SH3GL2: variants seen among roughly 807,000 people sequenced by gnomAD.
SH3GL2 encodes the protein SH3 domain containing GRB2 like 2, endophilin A1, also known as endophilin-A1.
In SH3GL2, 24 loss-of-function variants were observed where a neutral mutation model predicts 46.0. The observed-to-expected ratio is 0.52, with a 90% confidence interval of 0.38 to 0.73. The LOEUF (loss-of-function observed/expected upper bound fraction) is 0.73. SH3GL2 is among the 30% of genes least tolerant of loss of function. The pLI, the probability that SH3GL2 is intolerant of heterozygous loss-of-function variation, is 0.00. For synonymous variants in SH3GL2, 196 were observed against 147.1 expected (o/e 1.33, Z -2.40); for missense variants, 413 against 424.2 (o/e 0.97, Z 0.23).
Position 17,596,139 on chromosome 9 carries a change from A to G in SH3GL2, c.45+16852A>G, listed in dbSNP as rs369995063. Among the ~76,000 whole-genome samples, 108 of 152,280 alleles carry G rather than the reference A, an allele frequency of 7.1e-4. 1 individual carries two copies. The highest frequency in any genetic ancestry group is 2.5e-3 in the African/African-American group (104 of 41,554). ...CTAGCCAAGTTCTAGAACTATAAAT[A>G]TATGTCAGTTTGCTTCATTAGGCAT... On this transcript the variant is annotated intron_variant, in intron 1 of 8. Coordinates refer to ENST00000380607, the MANE Select transcript of SH3GL2 (RefSeq NM_003026.5).
intron 1 of SH3GL2, among the ~76,000 whole-genome samples, chr9:17,677,873 T>C (rs1306632466): frequency 1.3e-5 from 2 of 150,926 alleles, no homozygotes; most frequent in Non-Finnish European, 2.9e-5. Context: ...AGTGAGAAAA[T>C]GCGGTGTTTG....
intron 1 of SH3GL2, among the ~76,000 whole-genome samples, chr9:17,598,310 C>T (rs952142735): frequency 1.3e-5 from 2 of 152,208 alleles, no homozygotes; most frequent in African/African-American, 4.8e-5. Context: ...AGAACTACTT[C>T]TCATGTCTTA....
At position 17,752,236 on chromosome 9, in the gene SH3GL2, C is replaced by G. The variant is rs184997253; in HGVS notation, c.114+5102C>G. Among the ~76,000 whole-genome samples the G allele has an allele frequency of 5.3e-5, 8 of 152,274 alleles. No homozygotes were observed. The East Asian group carries it at 1.5e-3, about 29-fold the overall frequency. On this transcript the variant is annotated intron_variant, in intron 2 of 8. Transcript: ENST00000380607. ...GACCTGCCTGTATCTCGCTGCCAGA[C>G]AGACCTTCCCAGGACACGGTTTTCA...
intron 1 of SH3GL2, chr9:17,735,873 T>A (rs1387038071): frequency 3.5e-6 from 1 of 286,306 alleles, no homozygotes; most frequent in African/African-American, 2.3e-5. Context: ...TGCAGCAGCC[T>A]TTCCTGTTAC....
chr9:17,597,127 T>C (rs567603472), intron 1 of SH3GL2, among the ~76,000 whole-genome samples: 70 of 152,372 alleles, frequency 4.6e-4, no homozygotes, highest in Middle Eastern at 3.4e-3. Context: ...AGATTTGTTT[T>C]CTTGTGTAGT....
intron 2 of SH3GL2, among the ~76,000 whole-genome samples, chr9:17,753,540 A>G (rs1822906800): frequency 6.6e-6 from 1 of 152,082 alleles, no homozygotes; most frequent in South Asian, 2.1e-4. Flanking sequence ...TTTCTTGTAA[A>G]TTTCTTTAAG....
At chr9:17,631,128 GA>G (rs1819412015) in intron 1 of SH3GL2, among the ~76,000 whole-genome samples, 9 of 152,232 alleles carry the variant, frequency 5.9e-5, no homozygotes, top group Middle Eastern at 3.4e-3. Context: ...TGCTATAGAG[GA>G]AAAAACCCGC....
intron 2 of SH3GL2, among the ~76,000 whole-genome samples, chr9:17,760,465 T>C (rs1369506211): frequency 1.3e-5 from 2 of 152,028 alleles, no homozygotes; most frequent in Admixed American, 6.6e-5. Context: ...TATACTGATA[T>C]TATACTGGTA....
intron 3 of SH3GL2, among the ~76,000 whole-genome samples, chr9:17,779,666 AT>A (rs1384455046): frequency 6.6e-6 from 1 of 152,126 alleles, no homozygotes; most frequent in Non-Finnish European, 1.5e-5. Flanking sequence ...CTGTTCTTGA[AT>A]TTTGTTTCAT....
intron 3 of SH3GL2, among the ~76,000 whole-genome samples, chr9:17,768,350 G>A (rs1247264306): frequency 3.1e-5 from 4 of 127,396 alleles, no homozygotes; most frequent in Admixed American, 8.9e-5. Context: ...CAGCCTGGGC[G>A]ACAGAGCGGG....
chr9:17,743,761 T>C (rs1348484993), intron 1 of SH3GL2, among the ~76,000 whole-genome samples: 1 of 152,158 alleles, frequency 6.6e-6, no homozygotes, highest in African/African-American at 2.4e-5. Context: ...AGAGGGGAAA[T>C]TAAAATCACT....
At chr9:17,653,789 G>C (rs1030966682) in intron 1 of SH3GL2, 1 of 597,528 alleles carries the variant, frequency 1.7e-6, no homozygotes, top group Non-Finnish European at 2.1e-6. Flanking sequence ...TCAATTTGAG[G>C]GTGGCTGAAT....
chr9:17,749,605 C>G (rs1371340552), intron 2 of SH3GL2, among the ~76,000 whole-genome samples: 1 of 152,184 alleles, frequency 6.6e-6, no homozygotes, highest in Admixed American at 6.5e-5. Context: ...AGGGAATAAG[C>G]TAGGCAGCTC....
intron 1 of SH3GL2, among the ~76,000 whole-genome samples, chr9:17,661,671 G>A (rs1347594225): frequency 6.6e-6 from 1 of 152,126 alleles, no homozygotes; most frequent in African/African-American, 2.4e-5. Context: ...ACATGCCCTT[G>A]GGGTATTGAT....
chr9:17,667,531 A>G (rs1043842460), intron 1 of SH3GL2, among the ~76,000 whole-genome samples: 3 of 152,214 alleles, frequency 2.0e-5, no homozygotes, highest in African/African-American at 7.2e-5. Context: ...ATGGCAGAAT[A>G]ATATTATATG....
chr9:17,744,725 C>G (rs1428803723), intron 1 of SH3GL2, among the ~76,000 whole-genome samples: 1 of 152,186 alleles, frequency 6.6e-6, no homozygotes, highest in East Asian at 1.9e-4. Flanking sequence ...TGCTAAAAAC[C>G]CTTAAGAATG....
At chr9:17,663,679 A>G (rs1653649120) in intron 1 of SH3GL2, among the ~76,000 whole-genome samples, 2 of 152,312 alleles carry the variant, frequency 1.3e-5, no homozygotes, top group East Asian at 3.9e-4. Context: ...CAAGGCTGGT[A>G]TAAATTTACT....
At chr9:17,629,085 C>T (rs186354080) in intron 1 of SH3GL2, among the ~76,000 whole-genome samples, 42 of 151,600 alleles carry the variant, frequency 2.8e-4, no homozygotes, top group African/African-American at 9.0e-4. Context: ...GGGATGTTGA[C>T]CTTTATAGTA....
chr9:17,763,414 A>G (rs1423639183), intron 3 of SH3GL2, among the ~76,000 whole-genome samples: 1 of 152,212 alleles, frequency 6.6e-6, no homozygotes, highest in Non-Finnish European at 1.5e-5. Context: ...GGTGGCCCCT[A>G]GAACCAGTGA....
Sources: gnomAD v4.1 joint callset for allele counts (sites outside exome capture counted in the v4.1 genomes callset) on GRCh38, gnomAD v4.1.1 for gene constraint, MANE v1.5 for transcripts, NCBI Gene and HGNC (gene_info 2026-07-23, HGNC 2026-07-21) for gene names.